The following DISP1 variants were observed in gnomAD, a reference collection of about 807,000 sequenced individuals.
DISP1 encodes dispatched RND transporter family member 1.
Under a neutral mutation model 37.3 loss-of-function variants are expected in DISP1, and 30 were observed. The observed-to-expected ratio is 0.80, with a 90% CI of 0.60 to 1.09. The LOEUF (loss-of-function observed/expected upper bound fraction) is 1.09, where lower values mean the gene tolerates loss of function less well. Among genes scored for constraint, DISP1 ranks in the 50% least tolerant of loss-of-function variants. The pLI, the probability that DISP1 is intolerant of heterozygous loss-of-function variation, is 0.00. For missense variants in DISP1, 1,598 were observed against 1,879.5 expected (o/e 0.85, Z 2.77); for synonymous variants, 634 against 690.2 (o/e 0.92, Z 1.28).
At chr1:222,932,355 G>A (rs1673452474) in intron 2 of DISP1, among the ~76,000 whole-genome samples, 2 of 151,880 alleles carry the variant, frequency 1.3e-5, no homozygotes, top group Admixed American at 1.3e-4. Context: ...TGATTCTAAT[G>A]TGCAGCCAGA....
intron 3 of DISP1, chr1:222,943,611 CA>C: frequency 2.0e-6 from 1 of 499,484 alleles, no homozygotes; most frequent in East Asian, 3.7e-5. Context: ...TAAAATTCAA[CA>C]AAAAGTTTTA....
Position 222,832,455 on chromosome 1 carries a change from AAG to A in DISP1, c.-159+17383_-159+17384del, listed in dbSNP as rs1192056347. On this transcript the variant is annotated intron_variant, in intron 1 of 8. Coordinates refer to ENST00000675850, the MANE Select transcript of DISP1 (RefSeq NM_001377229.1). ...ACTTTCATTTTTGGTTACTGGTCCT[AAG>A]AGAGAACTATTTTATCATGAATATC... 2.6e-5 allele frequency among the ~76,000 whole-genome samples: 4 copies of A among 152,348 alleles called. No homozygotes were observed. The South Asian group carries it at 6.2e-4, about 24-fold the overall frequency.
chr1:223,002,831 T>C lies in DISP1; in HGVS notation c.1434T>C (p.Ser478=), dbSNP rs1384314681. The C allele has an allele frequency of 1.2e-6, 2 of 1,614,092 alleles. No individual in the cohort carries two copies. Among genetic ancestry groups the C allele is most frequent in the South Asian group, 2.2e-5 (2 of 91,074 alleles). The stretch of plus-strand genomic sequence containing the variant: ...ACAACTTTGAAAACTGGAACTCTTC[T>C]GACGGCGTGACTACCATCACCGGGA... ...YLDNFENWNS[S]DGVTTITGIE... Residue 478 remains serine, a synonymous_variant, in exon 9 of 9, where the codon TCT becomes TCC. Transcript: ENST00000675850.
At chr1:222,944,100 C>G (rs1159334525) in intron 3 of DISP1, among the ~76,000 whole-genome samples, 1 of 152,150 alleles carries the variant, frequency 6.6e-6, no homozygotes, top group Non-Finnish European at 1.5e-5. Context: ...TGGCTGTACT[C>G]AACATTTCTA....
intron 8 of DISP1, among the ~76,000 whole-genome samples, chr1:222,996,179 T>C (rs533049674): frequency 6.6e-6 from 1 of 152,348 alleles, no homozygotes; most frequent in South Asian, 2.1e-4. Flanking sequence ...TGATCAATTT[T>C]TATTTGTGAT....
intron 1 of DISP1, among the ~76,000 whole-genome samples, chr1:222,826,832 C>T (rs570414057): frequency 7.9e-5 from 12 of 152,240 alleles, no homozygotes; most frequent in Admixed American, 4.6e-4. Flanking sequence ...TTTCTTTAAC[C>T]GTTGAATTTG....
chr1:222,990,004 G>A (rs1200204281), intron 4 of DISP1, among the ~76,000 whole-genome samples: 3 of 151,966 alleles, frequency 2.0e-5, no homozygotes, highest in Non-Finnish European at 4.4e-5. Flanking sequence ...GGGTTTCACC[G>A]TGTTAGTCAG....
chr1:222,900,716 G>C (rs150944460), intron 1 of DISP1, among the ~76,000 whole-genome samples: 10 of 152,288 alleles, frequency 6.6e-5, no homozygotes, highest in African/African-American at 2.4e-4. Context: ...AGAGATAAGA[G>C]ATCAAGATGA....
chr1:222,832,289 G>A (rs559829836), intron 1 of DISP1, among the ~76,000 whole-genome samples: 1 of 152,076 alleles, frequency 6.6e-6, no homozygotes, highest in Non-Finnish European at 1.5e-5. Context: ...TTTACTACTT[G>A]TTGGCTTAAT....
At chr1:222,935,312 C>A (rs1376963969) in intron 2 of DISP1, among the ~76,000 whole-genome samples, 4 of 152,092 alleles carry the variant, frequency 2.6e-5, no homozygotes, top group African/African-American at 9.7e-5. Context: ...TCCAGTCTTG[C>A]CATTTATTCT....
intron 1 of DISP1, among the ~76,000 whole-genome samples, chr1:222,840,144 C>G (rs1439893343): frequency 6.6e-6 from 1 of 152,140 alleles, no homozygotes; most frequent in African/African-American, 2.4e-5. Context: ...AGTATGGTTT[C>G]TACTGAATGC....
intron 3 of DISP1, among the ~76,000 whole-genome samples, chr1:222,977,330 G>A (rs192879883): frequency 7.1e-5 from 10 of 140,906 alleles, no homozygotes; most frequent in Non-Finnish European, 1.2e-4. Flanking sequence ...CACCACGCCC[G>A]GTCAGCATAT....
At chr1:222,990,029 C>G (rs1678579308) in intron 4 of DISP1, among the ~76,000 whole-genome samples, 1 of 152,128 alleles carries the variant, frequency 6.6e-6, no homozygotes, top group Admixed American at 6.5e-5. Flanking sequence ...GTCTCGAACT[C>G]CTGACCTTGT....
chr1:222,994,278 T>C (rs1293984490), intron 7 of DISP1, among the ~76,000 whole-genome samples: 2 of 152,172 alleles, frequency 1.3e-5, no homozygotes, highest in African/African-American at 2.4e-5. Flanking sequence ...CCATGCATGC[T>C]CTTTCTGGTA....
At chr1:222,903,235 G>T (rs1171835045) in intron 1 of DISP1, among the ~76,000 whole-genome samples, 2 of 147,854 alleles carry the variant, frequency 1.4e-5, no homozygotes, top group Non-Finnish European at 3.0e-5. Flanking sequence ...ACTCATAGGT[G>T]GGAATTGAAC....
intron 3 of DISP1, among the ~76,000 whole-genome samples, chr1:222,952,122 G>A (rs1400956111): frequency 5.3e-5 from 8 of 152,162 alleles, no homozygotes; most frequent in African/African-American, 7.2e-5. Flanking sequence ...CTCTGGAACT[G>A]CTGGACAAGT....
intron 3 of DISP1, among the ~76,000 whole-genome samples, chr1:222,952,222 A>T (rs778049096): frequency 9.9e-5 from 15 of 152,212 alleles, no homozygotes; most frequent in Non-Finnish European, 2.2e-4. Context: ...CAGTAAAATT[A>T]AAAATTTGGT....
At chr1:222,956,492 T>C (rs1484783007) in intron 3 of DISP1, among the ~76,000 whole-genome samples, 1 of 152,234 alleles carries the variant, frequency 6.6e-6, no homozygotes, top group Admixed American at 6.5e-5. Context: ...TCTAGAACTT[T>C]ATTTTGTTTT....
In DISP1 at chr1:222,916,273, T is replaced by A. The variant is rs577145595; in HGVS notation, c.-158-12157T>A. Among the ~76,000 whole-genome samples the A allele has an allele frequency of 5.9e-5, 9 of 152,320 alleles. No homozygotes were observed. In the East Asian group the frequency reaches 1.7e-3, roughly 29 times the overall value. ...ATGGCAAATATATGGTCGCTTGATATGAGCATTGGGACAGCTCTCTTCTTG... is the reference window on the plus strand; with the variant it reads ...ATGGCAAATATATGGTCGCTTGATAAGAGCATTGGGACAGCTCTCTTCTTG... On this transcript the variant is annotated intron_variant, in intron 1 of 8. Coordinates refer to ENST00000675850, the MANE Select transcript of DISP1 (RefSeq NM_001377229.1).
Sources: gnomAD v4.1 joint callset for allele counts (sites outside exome capture counted in the v4.1 genomes callset) on GRCh38, gnomAD v4.1.1 for gene constraint, MANE v1.5 for transcripts, NCBI Gene and HGNC (gene_info 2026-07-23, HGNC 2026-07-21) for gene names.